CDKAL1: variants seen among roughly 807,000 people sequenced by gnomAD.
CDKAL1 encodes CDKAL1 threonylcarbamoyladenosine tRNA methylthiotransferase, also known as threonylcarbamoyladenosine tRNA methylthiotransferase.
Under a neutral mutation model 68.2 loss-of-function variants are expected in CDKAL1, and 32 were observed. The ratio of observed to expected loss-of-function variants is 0.47; its 90% CI spans 0.35 to 0.63. CDKAL1 has a LOEUF of 0.63. Among genes scored for constraint, CDKAL1 ranks in the 30% least tolerant of loss-of-function variants. The pLI, the probability that CDKAL1 is intolerant of heterozygous loss-of-function variation, is 0.00. For missense variants in CDKAL1, 606 were observed against 696.7 expected (o/e 0.87, Z 1.47); for synonymous variants, 234 against 244.3 (o/e 0.96, Z 0.39).
intron 11 of CDKAL1, among the ~76,000 whole-genome samples, chr6:21,032,420 C>T (rs1769344447): frequency 6.6e-6 from 1 of 152,118 alleles, no homozygotes; most frequent in South Asian, 2.1e-4. Context: ...AACAGCGGAA[C>T]TCTGTCTATT....
rs541077961 is a variant in CDKAL1, at chr6:21,074,883, G to A, written c.1236+9655G>A. ...TATGGATGGATTGTATAGTGGTGAA[G>A]TCTGAGGTTTTAGTGCACCCATCAT... On this transcript the variant is annotated intron_variant, in intron 12 of 15. Coordinates refer to ENST00000274695, the MANE Select transcript of CDKAL1 (RefSeq NM_017774.3). 6.5e-4 allele frequency among the ~76,000 whole-genome samples: 99 copies of A among 151,910 alleles called. 1 individual carries two copies. Among genetic ancestry groups the A allele is most frequent in the African/African-American group, 2.2e-3 (92 of 41,466 alleles).
intron 10 of CDKAL1, among the ~76,000 whole-genome samples, chr6:20,999,183 A>G (rs1268226104): frequency 6.6e-6 from 1 of 152,124 alleles, no homozygotes; most frequent in East Asian, 1.9e-4. Flanking sequence ...TTTATTCACT[A>G]CTGGACTCTG....
At chr6:20,828,375 T>C (rs1466599808) in intron 8 of CDKAL1, among the ~76,000 whole-genome samples, 2 of 151,906 alleles carry the variant, frequency 1.3e-5, no homozygotes, top group Non-Finnish European at 2.9e-5. Flanking sequence ...ATTGCAGACA[T>C]GCACCACCGT....
chr6:20,956,284 G>A (rs939329329), intron 10 of CDKAL1, among the ~76,000 whole-genome samples: 4 of 152,116 alleles, frequency 2.6e-5, no homozygotes, highest in African/African-American at 4.8e-5. Context: ...TCCACAGATC[G>A]GGATGCTTAC....
chr6:21,091,719 C>A (rs1356754759), intron 12 of CDKAL1, among the ~76,000 whole-genome samples: 1 of 152,132 alleles, frequency 6.6e-6, no homozygotes, highest in Non-Finnish European at 1.5e-5. Flanking sequence ...GTCACACACG[C>A]CTTTCCTTGT....
chr6:21,105,315 A>T (rs572161124), intron 12 of CDKAL1, among the ~76,000 whole-genome samples: 50 of 152,268 alleles, frequency 3.3e-4, no homozygotes, highest in African/African-American at 1.1e-3. Context: ...GTGTTAAATT[A>T]CTTTAGAATT....
In CDKAL1 at chr6:21,000,261, A is replaced by G. The variant is rs1767358190; in HGVS notation, c.944A>G (p.Tyr315Cys). 6.2e-7 allele frequency: 1 copy of G among 1,613,952 alleles called. No homozygotes were observed. The highest frequency in any genetic ancestry group is 8.5e-7 in the Non-Finnish European group (1 of 1,179,884). The change falls in exon 11 of 16, where the codon TAC (tyrosine) becomes TGC (cysteine). Residue 315 changes from tyrosine to cysteine, a missense_variant. Physicochemically the swap from Tyr to Cys is radical, Grantham distance 194. Coordinates refer to ENST00000274695, the MANE Select transcript of CDKAL1 (RefSeq NM_017774.3). ...AAAATCCTTAATCACCCCAGAGTCT[A>G]CGCTTTTCTGCACATACCAGTCCAG... ...MAKILNHPRV[Y>C]AFLHIPVQSA...
At chr6:20,710,729 A>G (rs540329931) in intron 5 of CDKAL1, among the ~76,000 whole-genome samples, 34 of 152,326 alleles carry the variant, frequency 2.2e-4, no homozygotes, top group Middle Eastern at 3.4e-3. Flanking sequence ...ATAAAAGGTA[A>G]TGTGCATCTG....
intron 2 of CDKAL1, among the ~76,000 whole-genome samples, chr6:20,536,921 G>A (rs1435793312): frequency 6.6e-6 from 1 of 152,228 alleles, no homozygotes; most frequent in Non-Finnish European, 1.5e-5. Flanking sequence ...TTGCAACTGT[G>A]GCTGTACACA....
chr6:21,223,421 A>G (rs1046792361), intron 15 of CDKAL1, among the ~76,000 whole-genome samples: 3 of 152,216 alleles, frequency 2.0e-5, no homozygotes, highest in Non-Finnish European at 2.9e-5. Flanking sequence ...GCACATGGTG[A>G]ATGTTCTCTA....
chr6:20,918,345 A>C (rs1762808198), intron 9 of CDKAL1, among the ~76,000 whole-genome samples: 2 of 152,248 alleles, frequency 1.3e-5, no homozygotes, highest in South Asian at 4.1e-4. Flanking sequence ...CAGCAATACC[A>C]TTCAACTATC....
At chr6:21,228,821 T>A (rs140790765) in intron 15 of CDKAL1, among the ~76,000 whole-genome samples, 1 of 152,286 alleles carries the variant, frequency 6.6e-6, no homozygotes, top group East Asian at 1.9e-4. Flanking sequence ...GTCCTTGAGA[T>A]CTTGAGGCTA....
At chr6:20,700,074 C>T (rs1771273325) in intron 5 of CDKAL1, among the ~76,000 whole-genome samples, 1 of 151,298 alleles carries the variant, frequency 6.6e-6, no homozygotes, top group South Asian at 2.1e-4. Context: ...TTTTTAACAC[C>T]TCATGAGTAA....
rs576995014 is a variant in CDKAL1, at chr6:20,983,885, T to C, written c.910-16342T>C. On this transcript the variant is annotated intron_variant, in intron 10 of 15. Transcript: ENST00000274695. ...CACCTTTATGCAAATTAGTTTGTGCTATTCCTCAAGAATTAGTGTATGTAT... is the reference window on the plus strand; with the variant it reads ...CACCTTTATGCAAATTAGTTTGTGCCATTCCTCAAGAATTAGTGTATGTAT... Among the ~76,000 whole-genome samples the C allele has an allele frequency of 9.3e-4, 142 of 152,360 alleles. 1 individual carries two copies. The highest frequency in any genetic ancestry group is 3.4e-3 in the Middle Eastern group (1 of 294).
chr6:20,725,117 G>GT (rs1225433556), intron 5 of CDKAL1, among the ~76,000 whole-genome samples: 1 of 152,152 alleles, frequency 6.6e-6, no homozygotes, highest in Admixed American at 6.5e-5. Context: ...ATATTCTGGA[G>GT]TTTCCTCCCC....
At chr6:21,054,344 G>A (rs1006804811) in intron 11 of CDKAL1, among the ~76,000 whole-genome samples, 6 of 152,162 alleles carry the variant, frequency 3.9e-5, no homozygotes, top group South Asian at 2.1e-4. Flanking sequence ...ACCATACTGC[G>A]TTGATTATTG....
At chr6:21,091,539 C>G (rs1773007649) in intron 12 of CDKAL1, among the ~76,000 whole-genome samples, 1 of 152,170 alleles carries the variant, frequency 6.6e-6, no homozygotes, top group Admixed American at 6.5e-5. Flanking sequence ...GCGTACAGCT[C>G]AGGCATCTCC....
At chr6:20,875,037 C>G (rs912817811) in intron 9 of CDKAL1, among the ~76,000 whole-genome samples, 1 of 151,866 alleles carries the variant, frequency 6.6e-6, no homozygotes, top group Non-Finnish European at 1.5e-5. Flanking sequence ...CGGTGGCTCA[C>G]GCCTGTAATC....
chr6:20,919,621 A>G (rs547448824), intron 9 of CDKAL1, among the ~76,000 whole-genome samples: 83 of 152,244 alleles, frequency 5.5e-4, no homozygotes, highest in African/African-American at 1.3e-3. Flanking sequence ...TTCCAGCTTC[A>G]TCCATGTCCC....
Sources: gnomAD v4.1 joint callset for allele counts (sites outside exome capture counted in the v4.1 genomes callset) on GRCh38, gnomAD v4.1.1 for gene constraint, MANE v1.5 for transcripts, NCBI Gene and HGNC (gene_info 2026-07-23, HGNC 2026-07-21) for gene names.